The following KCNAB1 variants were observed in gnomAD, a reference collection of about 807,000 sequenced individuals.
KCNAB1 encodes voltage-gated potassium channel subunit beta-1.
Under a neutral mutation model 64.6 loss-of-function variants are expected in KCNAB1, and 35 were observed. The ratio of observed to expected loss-of-function variants is 0.54; its 90% CI spans 0.41 to 0.72. The LOEUF is 0.72. Among genes scored for constraint, KCNAB1 ranks in the 30% least tolerant of loss-of-function variants. KCNAB1 has a pLI of 0.00. For missense variants in KCNAB1, 401 were observed against 512.9 expected (o/e 0.78, Z 2.11); for synonymous variants, 177 against 183.8 (o/e 0.96, Z 0.30).
At chr3:156,295,755 G>C (rs1720731478) in intron 1 of KCNAB1, among the ~76,000 whole-genome samples, 1 of 152,000 alleles carries the variant, frequency 6.6e-6, no homozygotes, top group African/African-American at 2.4e-5. Context: ...TATATTTATG[G>C]GGTACATGTG....
intron 1 of KCNAB1, among the ~76,000 whole-genome samples, chr3:156,333,647 T>C (rs535400500): frequency 1.3e-5 from 2 of 152,198 alleles, no homozygotes; most frequent in Non-Finnish European, 2.9e-5. Flanking sequence ...TTATAAGAGA[T>C]GTAAAATTGC....
At chr3:156,146,638 C>T (rs142551960) in intron 1 of KCNAB1, among the ~76,000 whole-genome samples, 1,705 of 152,296 alleles carry the variant, frequency 0.011, 23 homozygotes, top group African/African-American at 0.027. Context: ...AGGTTCGTAT[C>T]TGCCTCTGTT....
At chr3:156,418,369 A>G (rs1455836286) in intron 1 of KCNAB1, among the ~76,000 whole-genome samples, 1 of 152,220 alleles carries the variant, frequency 6.6e-6, no homozygotes, top group Admixed American at 6.5e-5. Context: ...GCCCAGCATG[A>G]TTAGTAAACT....
intron 1 of KCNAB1, chr3:156,291,646 T>C (rs1332039178): frequency 4.6e-5 from 62 of 1,359,510 alleles, no homozygotes; most frequent in Non-Finnish European, 5.4e-5. Flanking sequence ...AACCTGATTC[T>C]CCCTCCAGCT....
intron 1 of KCNAB1, among the ~76,000 whole-genome samples, chr3:156,336,746 A>T (rs1269496470): frequency 6.6e-6 from 1 of 152,354 alleles, no homozygotes; most frequent in South Asian, 2.1e-4. Context: ...AGCAGGAAGG[A>T]AGAATGGACA....
intron 1 of KCNAB1, among the ~76,000 whole-genome samples, chr3:156,203,842 G>C (rs1463966005): frequency 1.3e-5 from 2 of 152,096 alleles, no homozygotes; most frequent in Non-Finnish European, 1.5e-5. Context: ...AGTTTACTCT[G>C]TCTTTTCAGC....
intron 1 of KCNAB1, among the ~76,000 whole-genome samples, chr3:156,326,940 A>T (rs1356595184): frequency 6.6e-6 from 1 of 151,972 alleles, no homozygotes; most frequent in African/African-American, 2.4e-5. Flanking sequence ...TAAGAGTAGA[A>T]ACAACATTTA....
intron 8 of KCNAB1, among the ~76,000 whole-genome samples, chr3:156,506,874 T>A (rs1716866650): frequency 6.6e-6 from 1 of 152,106 alleles, no homozygotes; most frequent in Non-Finnish European, 1.5e-5. Flanking sequence ...CAGATTTTAG[T>A]TTTTCTTCGA....
At chr3:156,172,731 A>G (rs17170) in intron 1 of KCNAB1, among the ~76,000 whole-genome samples, 89,477 of 151,976 alleles carry the variant, frequency 0.59, 27,119 homozygotes, top group East Asian at 0.93. Flanking sequence ...AGAGTAGACA[A>G]GACAAGGGGA....
intron 1 of KCNAB1, among the ~76,000 whole-genome samples, chr3:156,196,317 T>A (rs1713937125): frequency 6.6e-6 from 1 of 152,180 alleles, no homozygotes; most frequent in Non-Finnish European, 1.5e-5. Flanking sequence ...CCTGTGAAAT[T>A]TAAAGTAGTT....
intron 1 of KCNAB1, among the ~76,000 whole-genome samples, chr3:156,373,227 A>G (rs1726432146): frequency 6.6e-6 from 1 of 152,218 alleles, no homozygotes; most frequent in South Asian, 2.1e-4. Flanking sequence ...ACAACAGGGC[A>G]AATCCACAAA....
At chr3:156,231,654 C>T (rs183740002) in intron 1 of KCNAB1, among the ~76,000 whole-genome samples, 8 of 151,830 alleles carry the variant, frequency 5.3e-5, no homozygotes, top group South Asian at 2.1e-4. Context: ...CTCTGAAGTC[C>T]GCTACCTAAG....
intron 8 of KCNAB1, among the ~76,000 whole-genome samples, chr3:156,481,211 G>GC (rs933139066): frequency 5.9e-5 from 9 of 151,952 alleles, no homozygotes; most frequent in Non-Finnish European, 1.2e-4. Flanking sequence ...CAATACAGCT[G>GC]CCCCCTGAGT....
chr3:156,179,446 T>A (rs1374602421), intron 1 of KCNAB1, among the ~76,000 whole-genome samples: 1 of 63,398 alleles, frequency 1.6e-5, no homozygotes, highest in Non-Finnish European at 3.4e-5. Flanking sequence ...ACCCCCTGCG[T>A]TCTTCCCCCG....
At chr3:156,346,566 C>G (rs140560883) in intron 1 of KCNAB1, among the ~76,000 whole-genome samples, 267 of 152,272 alleles carry the variant, frequency 1.8e-3, no homozygotes, top group Non-Finnish European at 3.3e-3. Flanking sequence ...GACATTGTCT[C>G]TTAAATGCTT....
rs149820776 is a variant in KCNAB1, at chr3:156,380,634, T to C, written c.276-40982T>C. 4.5e-4 allele frequency among the ~76,000 whole-genome samples: 68 copies of C among 152,264 alleles called. 1 individual carries two copies. Among genetic ancestry groups the C allele is most frequent in the African/African-American group, 1.6e-3 (66 of 41,552 alleles). ...CATGTTTAGTGAAGCCATTACTAAA[T>C]TTGGTGAGGTTGGGAATGAGGTATA... On this transcript the variant is annotated intron_variant, in intron 1 of 13. Transcript: ENST00000490337.
rs1433270351 is a variant in KCNAB1 at position 156,271,990 on chromosome 3, T to C, written c.276-149626T>C. 4.6e-5 allele frequency among the ~76,000 whole-genome samples: 7 copies of C among 152,370 alleles called. No individual in the cohort carries two copies. The East Asian group carries it at 1.2e-3, about 25-fold the overall frequency. On this transcript the variant is annotated intron_variant, in intron 1 of 13. Transcript: ENST00000490337. ...ACTGCCTTGATGGTCTTGTATAAGATCTAAAAGAATACTCTGAATTAGCAG... is the reference window on the plus strand; with the variant it reads ...ACTGCCTTGATGGTCTTGTATAAGACCTAAAAGAATACTCTGAATTAGCAG...
At chr3:156,343,832 G>A (rs1008108843) in intron 1 of KCNAB1, among the ~76,000 whole-genome samples, 11 of 152,170 alleles carry the variant, frequency 7.2e-5, no homozygotes, top group African/African-American at 2.7e-4. Flanking sequence ...AGAAGTTAAA[G>A]AAAGCAAAGA....
At chr3:156,154,203 A>G (rs1715579884) in intron 1 of KCNAB1, among the ~76,000 whole-genome samples, 1 of 152,012 alleles carries the variant, frequency 6.6e-6, no homozygotes, top group South Asian at 2.1e-4. Flanking sequence ...TTACAGTCTG[A>G]CTAAGGTCAC....
Sources: gnomAD v4.1 joint callset for allele counts (sites outside exome capture counted in the v4.1 genomes callset) on GRCh38, gnomAD v4.1.1 for gene constraint, MANE v1.5 for transcripts, NCBI Gene and HGNC (gene_info 2026-07-23, HGNC 2026-07-21) for gene names.